Variants in RAMP1 observed in about 807,000 individuals in gnomAD.
RAMP1 encodes receptor activity modifying protein 1.
Under a neutral mutation model 8.2 loss-of-function variants are expected in RAMP1, and 7 were observed. The ratio of observed to expected loss-of-function variants is 0.85; its 90% CI spans 0.49 to 1.60. RAMP1 has a LOEUF of 1.60. RAMP1 is among the 40% of genes most tolerant of loss of function. RAMP1 has a pLI of 0.00. For synonymous variants in RAMP1, 92 were observed against 84.7 expected, an observed-to-expected ratio of 1.09 and a Z score of -0.47; for missense variants, 192 against 202.4, an observed-to-expected ratio of 0.95 and a Z score of 0.31.
At position 237,859,720 on chromosome 2, in the gene RAMP1, G is replaced by A; in HGVS notation, c.45G>A (p.Leu15=). Residue 15 remains leucine (L), a synonymous_variant, in exon 1 of 3, where the codon CTG becomes CTA. Coordinates refer to ENST00000254661, the MANE Select transcript of RAMP1 (RefSeq NM_005855.4). Reference sequence around the variant, plus strand: ...GCCTCCCGCGGCGCGGCCTCTGGCTGCTCCTGGGTGAGTAGGTCCAGGGGT... The same window carrying A: ...GCCTCCCGCGGCGCGGCCTCTGGCTACTCCTGGGTGAGTAGGTCCAGGGGT... The part of the protein sequence containing the change: ...LCRLPRRGLW[L]LLAHHLFMTT... 2 of 1,513,724 alleles carry A rather than the reference G, an allele frequency of 1.3e-6. No individual in the cohort carries two copies. The highest frequency in any genetic ancestry group is 2.1e-5 in the Admixed American group (1 of 47,240). 93.8% of individuals were successfully genotyped at this position (1,513,724 alleles called of 1,614,324 possible).
chr2:237,901,956 C>T (rs760258885), intron 2 of RAMP1, among the ~76,000 whole-genome samples: 6 of 151,946 alleles, frequency 3.9e-5, no homozygotes, highest in Non-Finnish European at 7.4e-5. Flanking sequence ...AGTGATGGGG[C>T]CTCAGGAGGG....
chr2:237,868,973 C>T (rs1458790084), intron 1 of RAMP1, among the ~76,000 whole-genome samples: 5 of 152,170 alleles, frequency 3.3e-5, no homozygotes, highest in Admixed American at 6.5e-5. Context: ...ACAAATTTTT[C>T]GTGTTGTAAA....
intron 2 of RAMP1, among the ~76,000 whole-genome samples, chr2:237,882,868 G>A (rs915461111): frequency 8.5e-5 from 13 of 152,120 alleles, no homozygotes; most frequent in South Asian, 2.1e-4. Context: ...TTGGATGAGC[G>A]GGACCCCAAA....
chr2:237,887,060 A>T (rs773255174), intron 2 of RAMP1, among the ~76,000 whole-genome samples: 2 of 134,814 alleles, frequency 1.5e-5, no homozygotes, highest in Non-Finnish European at 3.2e-5. Context: ...TGAGCCCCGA[A>T]GGCGGCCTCC....
chr2:237,894,451 C>G (rs1177861433), intron 2 of RAMP1, among the ~76,000 whole-genome samples: 1 of 152,194 alleles, frequency 6.6e-6, no homozygotes, highest in Non-Finnish European at 1.5e-5. Flanking sequence ...GGGAGCTAGG[C>G]CAGGGCGAGG....
intron 2 of RAMP1, among the ~76,000 whole-genome samples, chr2:237,885,806 C>G (rs919307888): frequency 6.6e-6 from 1 of 152,224 alleles, no homozygotes; most frequent in East Asian, 1.9e-4. Context: ...CACCCTCTGC[C>G]CCCCCTGGGT....
intron 2 of RAMP1, among the ~76,000 whole-genome samples, chr2:237,898,892 T>C (rs1409171814): frequency 6.6e-6 from 1 of 152,176 alleles, no homozygotes; most frequent in Non-Finnish European, 1.5e-5. Flanking sequence ...CCTCCCTGCT[T>C]TGGAAAGGTC....
At chr2:237,896,614 G>A (rs1237113913) in intron 2 of RAMP1, among the ~76,000 whole-genome samples, 4 of 152,240 alleles carry the variant, frequency 2.6e-5, no homozygotes, top group Admixed American at 6.5e-5. Flanking sequence ...GCACACTCAC[G>A]CGGGGAAACA....
chr2:237,911,493 G>A, intron 2 of RAMP1, 35 bp from the exon 3 acceptor site: 1 of 1,608,454 alleles, frequency 6.2e-7, no homozygotes, highest in Non-Finnish European at 8.5e-7. Context: ...TCCCCCGCCT[G>A]CCCAGGGTCT....
intron 1 of RAMP1, among the ~76,000 whole-genome samples, chr2:237,871,450 G>A (rs1414461897): frequency 6.6e-6 from 1 of 152,228 alleles, no homozygotes; most frequent in East Asian, 1.9e-4. Flanking sequence ...CATGCAGGGA[G>A]CAGATGCTCA....
chr2:237,909,096 A>G (rs56906257), intron 2 of RAMP1, among the ~76,000 whole-genome samples: 7,882 of 152,214 alleles, frequency 0.052, 713 homozygotes, highest in African/African-American at 0.18. Flanking sequence ...GGCTCATTCA[A>G]GGCTCTCTGG....
chr2:237,859,573 C>T, upstream of RAMP1: 1 of 857,154 alleles, frequency 1.2e-6, no homozygotes, highest in Non-Finnish European at 1.4e-6. Context: ...GCTCCCGCGC[C>T]CGCTCCCGCC....
chr2:237,889,827 A>G (rs544587563), intron 2 of RAMP1, among the ~76,000 whole-genome samples: 3 of 152,180 alleles, frequency 2.0e-5, no homozygotes, highest in African/African-American at 7.2e-5. Flanking sequence ...AGGTCTCCCT[A>G]TGTTACCCAG....
intron 2 of RAMP1, among the ~76,000 whole-genome samples, chr2:237,879,690 T>TAAA (rs201233396): frequency 1.5e-5 from 2 of 132,022 alleles, no homozygotes; most frequent in African/African-American, 2.9e-5. Flanking sequence ...CTTAAAGTAT[T>TAAA]AAAAAAAAAA....
chr2:237,874,530 C>T (rs1009299857), intron 1 of RAMP1: 23 of 415,224 alleles, frequency 5.5e-5, no homozygotes, highest in East Asian at 1.6e-4. Context: ...CCAAGGATCC[C>T]GACTGAGGCA....
chr2:237,860,501 C>A (rs945403051), intron 1 of RAMP1, among the ~76,000 whole-genome samples: 1 of 152,176 alleles, frequency 6.6e-6, no homozygotes, highest in South Asian at 2.1e-4. Context: ...CGGCAAGAAA[C>A]GGTGCTGTTC....
rs1259002748 is a variant in RAMP1 at position 237,878,292 on chromosome 2, CA to C, written c.191+931del. On this transcript the variant is annotated intron_variant, in intron 2 of 2. Transcript: ENST00000254661. The surrounding 1 kb of genome is among the most constrained non-coding windows in gnomAD (Gnocchi z 5.7). ...AGCCCTGGGGACTGGTGGGGAGGGC[CA>C]GGGGCAGGGAGGAGGGCCTCGGGAG... Among the ~76,000 whole-genome samples the C allele has an allele frequency of 3.9e-5, 6 of 152,198 alleles. No individual in the cohort carries two copies. Among genetic ancestry groups the C allele is most frequent in the Admixed American group, 6.5e-5 (1 of 15,278 alleles).
chr2:237,896,728 C>G (rs1422406019), intron 2 of RAMP1, among the ~76,000 whole-genome samples: 1 of 152,220 alleles, frequency 6.6e-6, no homozygotes, highest in African/African-American at 2.4e-5. Flanking sequence ...TCACTGCAGA[C>G]TTGACTTCCT....
At chr2:237,884,812 C>T (rs546917684) in intron 2 of RAMP1, among the ~76,000 whole-genome samples, 2 of 152,320 alleles carry the variant, frequency 1.3e-5, no homozygotes, top group South Asian at 4.1e-4. Flanking sequence ...TTTGGTTACC[C>T]GAGGCTGTCA....
Sources: gnomAD v4.1 joint callset for allele counts (sites outside exome capture counted in the v4.1 genomes callset) on GRCh38, gnomAD v4.1.1 for gene constraint, Gnocchi (gnomAD v3.1) non-coding constraint, MANE v1.5 for transcripts, NCBI Gene and HGNC (gene_info 2026-07-23, HGNC 2026-07-21) for gene names.